Variants in DCC observed in about 807,000 individuals in gnomAD.
DCC encodes the protein netrin receptor DCC.
In DCC, 58 loss-of-function variants were observed where a neutral mutation model predicts 172.5. That is an observed-to-expected ratio of 0.34 (90% CI 0.27 to 0.42). DCC has a LOEUF of 0.42. Among genes scored for constraint, DCC ranks in the 10% least tolerant of loss-of-function variants. The probability of loss-of-function intolerance (pLI) is 1.00; values close to 1 mark genes in which losing one functional copy is unlikely to be tolerated. For synonymous variants in DCC, 709 were observed against 644.5 expected, an observed-to-expected ratio of 1.10 and a Z score of -1.52; for missense variants, 1,740 against 1,791.0, an observed-to-expected ratio of 0.97 and a Z score of 0.51.
At chr18:53,191,401 G>C (rs535535437) in intron 9 of DCC, among the ~76,000 whole-genome samples, 29 of 152,100 alleles carry the variant, frequency 1.9e-4, no homozygotes, top group African/African-American at 6.3e-4. Flanking sequence ...GATATAATAT[G>C]TTTTGTATTT....
intron 1 of DCC, among the ~76,000 whole-genome samples, chr18:52,428,308 C>T (rs78001058): frequency 0.028 from 4,206 of 152,170 alleles, 181 homozygotes; most frequent in African/African-American, 0.095. Flanking sequence ...GACTCTTTTA[C>T]ATGAAGCCTT....
At chr18:52,819,314 AAAAT>A (rs1295658648) in intron 2 of DCC, among the ~76,000 whole-genome samples, 16 of 152,254 alleles carry the variant, frequency 1.1e-4, no homozygotes, top group Non-Finnish European at 2.1e-4. Flanking sequence ...TGCAGGGAAA[AAAAT>A]AAATTAATAA....
intron 12 of DCC, among the ~76,000 whole-genome samples, chr18:53,303,953 G>C (rs552130913): frequency 6.6e-5 from 10 of 152,242 alleles, no homozygotes; most frequent in South Asian, 4.1e-4. Flanking sequence ...AGCTAGAAAG[G>C]GGGTGGAGTG....
At chr18:52,936,754 G>A (rs1027791299) in intron 5 of DCC, among the ~76,000 whole-genome samples, 8 of 152,224 alleles carry the variant, frequency 5.3e-5, no homozygotes, top group Admixed American at 4.6e-4. Context: ...CTGAAGAAAC[G>A]GAAGTAGACA....
intron 12 of DCC, among the ~76,000 whole-genome samples, chr18:53,280,289 A>T (rs2144726554): frequency 6.6e-6 from 1 of 152,100 alleles, no homozygotes; most frequent in East Asian, 1.9e-4. Flanking sequence ...TGTGTTGGAG[A>T]TTTATTTTAG....
chr18:52,491,232 G>A (rs1459982561), intron 1 of DCC, among the ~76,000 whole-genome samples: 4 of 152,108 alleles, frequency 2.6e-5, no homozygotes, highest in South Asian at 4.2e-4. Context: ...CTCTCTACTA[G>A]GTAATAGGGA....
intron 14 of DCC, among the ~76,000 whole-genome samples, chr18:53,332,891 C>T (rs2057546343): frequency 6.6e-6 from 1 of 151,598 alleles, no homozygotes; most frequent in South Asian, 2.1e-4. Flanking sequence ...ACAGGGAGAC[C>T]CCATTTCTAC....
At chr18:53,450,432 A>C in intron 22 of DCC, 68 bp from the exon 23 acceptor site, 1 of 1,574,534 alleles carries the variant, frequency 6.4e-7, no homozygotes, top group South Asian at 1.1e-5. Flanking sequence ...TGTATATCCC[A>C]AGAGAGCTTG....
intron 22 of DCC, among the ~76,000 whole-genome samples, chr18:53,444,122 A>C (rs774659714): frequency 5.3e-5 from 8 of 152,202 alleles, no homozygotes; most frequent in Non-Finnish European, 1.0e-4. Context: ...GAGAAAATTG[A>C]CTCCAATTAT....
At chr18:52,771,010 G>C (rs2037332909) in intron 2 of DCC, among the ~76,000 whole-genome samples, 1 of 152,174 alleles carries the variant, frequency 6.6e-6, no homozygotes, top group African/African-American at 2.4e-5. Context: ...CCTCCACAGG[G>C]GAAAATTAGC....
intron 12 of DCC, among the ~76,000 whole-genome samples, chr18:53,243,146 AT>A (rs2056323969): frequency 6.6e-6 from 1 of 152,184 alleles, no homozygotes; most frequent in South Asian, 2.1e-4. Flanking sequence ...TTTATGTGGC[AT>A]AGATGCTGGC....
chr18:53,500,292 G>A (rs2046080894), intron 27 of DCC, among the ~76,000 whole-genome samples: 1 of 150,904 alleles, frequency 6.6e-6, no homozygotes, highest in Non-Finnish European at 1.5e-5. Context: ...CAATAGATAA[G>A]TAGAGATAAA....
At chr18:53,158,956 G>A (rs1172788471) in intron 8 of DCC, among the ~76,000 whole-genome samples, 1 of 134,004 alleles carries the variant, frequency 7.5e-6, no homozygotes, top group Non-Finnish European at 1.5e-5. Flanking sequence ...TTGTGCCACT[G>A]CACTCCAGCC....
At chr18:53,062,817 A>G (rs978261061) in intron 5 of DCC, among the ~76,000 whole-genome samples, 2 of 152,128 alleles carry the variant, frequency 1.3e-5, no homozygotes, top group African/African-American at 4.8e-5. Flanking sequence ...GTAGTTCCCT[A>G]TCACCATAGC....
intron 2 of DCC, among the ~76,000 whole-genome samples, chr18:52,879,412 C>CTTTTTTGTTTTTTTTTT (rs2039448543): frequency 1.6e-5 from 1 of 62,356 alleles, no homozygotes; most frequent in Non-Finnish European, 2.9e-5. Flanking sequence ...TGTTGTTTGG[C>CTTTTTTGTTTTTTTTTT]TTTTTTTTTT....
chr18:53,431,674 G>T (rs572460869), intron 21 of DCC, among the ~76,000 whole-genome samples: 1 of 151,966 alleles, frequency 6.6e-6, no homozygotes, highest in Middle Eastern at 3.2e-3. Flanking sequence ...TAGTAGAGAC[G>T]AGGTTTTGCC....
intron 1 of DCC, among the ~76,000 whole-genome samples, chr18:52,617,477 GA>G (rs1396401656): frequency 6.6e-6 from 1 of 152,164 alleles, no homozygotes; most frequent in Admixed American, 6.5e-5. Flanking sequence ...ATCCATTTGA[GA>G]TGAGGACACA....
chr18:53,066,218 T>C (rs2042564127), intron 7 of DCC, 52 bp downstream of exon 7: 1 of 1,577,922 alleles, frequency 6.3e-7, no homozygotes, highest in Non-Finnish European at 8.7e-7. Flanking sequence ...TTATTCATAG[T>C]CTGTTGGTAA....
At chr18:52,908,712 C>T (rs2145453507) in intron 3 of DCC, among the ~76,000 whole-genome samples, 1 of 152,126 alleles carries the variant, frequency 6.6e-6, no homozygotes, top group Admixed American at 6.6e-5. Context: ...TTATTTTAAG[C>T]CAAATTTTGT....
Sources: allele counts gnomAD v4.1 joint callset (sites outside exome capture counted in the v4.1 genomes callset), GRCh38; gene constraint gnomAD v4.1.1; transcripts MANE v1.5; gene names NCBI Gene and HGNC (gene_info 2026-07-23, HGNC 2026-07-21).